The following KDM4C variants were observed in gnomAD, a reference collection of about 807,000 sequenced individuals.
KDM4C encodes lysine-specific demethylase 4C.
A neutral mutation model predicts 129.3 loss-of-function variants in KDM4C; 81 were observed. That is an observed-to-expected ratio of 0.63 (90% CI 0.52 to 0.75). The LOEUF (loss-of-function observed/expected upper bound fraction) is 0.75, where lower values mean the gene tolerates loss of function less well. KDM4C is among the 30% of genes least tolerant of loss of function. KDM4C has a pLI of 0.00. For synonymous variants in KDM4C, 573 were observed against 456.1 expected, an observed-to-expected ratio of 1.26 and a Z score of -3.26; for missense variants, 1,457 against 1,304.0, an observed-to-expected ratio of 1.12 and a Z score of -1.81.
chr9:7,020,565 A>C (rs1824617436), intron 15 of KDM4C, among the ~76,000 whole-genome samples: 1 of 152,200 alleles, frequency 6.6e-6, no homozygotes, highest in African/African-American at 2.4e-5. Flanking sequence ...AACATTACCA[A>C]ATCCAGATTT....
chr9:6,819,626 C>G (rs1832685561), intron 4 of KDM4C, among the ~76,000 whole-genome samples: 2 of 152,186 alleles, frequency 1.3e-5, no homozygotes, highest in Non-Finnish European at 2.9e-5. Context: ...CAAAACCAAT[C>G]ACACTCAAGA....
chr9:6,742,558 CTTT>C (rs113102026), intron 1 of KDM4C, among the ~76,000 whole-genome samples: 2 of 139,360 alleles, frequency 1.4e-5, no homozygotes, highest in Non-Finnish European at 1.5e-5. Context: ...GTTTCTTCAA[CTTT>C]TTTTTTTTTT....
chr9:7,154,903 G>A (rs1843015847), intron 19 of KDM4C, among the ~76,000 whole-genome samples: 1 of 152,186 alleles, frequency 6.6e-6, no homozygotes, highest in African/African-American at 2.4e-5. Context: ...AGCTATTTAT[G>A]TTAGGTGAAG....
At chr9:7,033,060 C>T (rs1043438171) in intron 15 of KDM4C, among the ~76,000 whole-genome samples, 5 of 151,534 alleles carry the variant, frequency 3.3e-5, no homozygotes, top group South Asian at 2.1e-4. Flanking sequence ...TAGATCAGAG[C>T]GATTGATTTT....
chr9:6,882,410 A>C (rs1317101327), intron 6 of KDM4C, among the ~76,000 whole-genome samples: 3 of 152,242 alleles, frequency 2.0e-5, no homozygotes, highest in African/African-American at 7.2e-5. Context: ...ATATTAAGTT[A>C]GGTAAATTGA....
chr9:7,158,316 T>C (rs1271867759), intron 19 of KDM4C, among the ~76,000 whole-genome samples: 3 of 85,030 alleles, frequency 3.5e-5, no homozygotes, highest in Non-Finnish European at 4.7e-5. Flanking sequence ...CCTGGATTCA[T>C]TGATTTTTTT....
intron 8 of KDM4C, among the ~76,000 whole-genome samples, chr9:6,955,397 C>A (rs573843871): frequency 6.6e-6 from 1 of 152,244 alleles, no homozygotes; most frequent in Admixed American, 6.5e-5. Flanking sequence ...CCTTGGTTCA[C>A]CCTTTGTTTT....
At chr9:7,080,297 C>G (rs896382717) in intron 17 of KDM4C, among the ~76,000 whole-genome samples, 1 of 152,154 alleles carries the variant, frequency 6.6e-6, no homozygotes, top group Non-Finnish European at 1.5e-5. Context: ...TGCAAAGAGA[C>G]CCTAGAGCCC....
rs568464903 is a variant in KDM4C, at chr9:7,127,667, A to G, written c.2611-399A>G. Among the ~76,000 whole-genome samples, 4 of 152,340 alleles carry G rather than the reference A, an allele frequency of 2.6e-5. No homozygotes were observed. In the South Asian group the frequency reaches 8.3e-4, roughly 32 times the overall value. On this transcript the variant is annotated intron_variant, in intron 18 of 21. Transcript: ENST00000381309. ...AGGGAAGGTGAATACCATAATGGCC[A>G]TTATTGGATCATTTGACCAACTGGA...
chr9:6,846,190 A>G (rs1171781729), intron 4 of KDM4C, among the ~76,000 whole-genome samples: 1 of 152,234 alleles, frequency 6.6e-6, no homozygotes, highest in Admixed American at 6.5e-5. Flanking sequence ...TGAAAGGATC[A>G]GGACTAGAAG....
At chr9:6,810,875 A>G (rs554153059) in intron 3 of KDM4C, among the ~76,000 whole-genome samples, 1 of 151,568 alleles carries the variant, frequency 6.6e-6, no homozygotes, top group South Asian at 2.1e-4. Flanking sequence ...CTGTCTCCAA[A>G]AAAATAAATA....
In KDM4C at chr9:6,990,639, A is replaced by T. The variant is rs139811081; in HGVS notation, c.1786+115A>T. On this transcript the variant is annotated intron_variant, in intron 12 of 21. Coordinates refer to ENST00000381309, the MANE Select transcript of KDM4C (RefSeq NM_015061.6). ...ATTCAACAAGTAGCAAATACGTACT[A>T]TTAGGAGATCATACATAATAAATAA... 211 of 649,404 alleles carry T rather than the reference A, an allele frequency of 3.2e-4. No homozygotes were observed. The African/African-American group carries it at 3.5e-3, about 11-fold the overall frequency. The allele number at this position is 649,404 out of a possible 1,614,324, so 40.2% of individuals were successfully genotyped here.
intron 12 of KDM4C, among the ~76,000 whole-genome samples, chr9:6,999,793 T>C (rs1177109620): frequency 6.6e-6 from 1 of 152,194 alleles, no homozygotes; most frequent in Non-Finnish European, 1.5e-5. Context: ...TTGAAAGTCT[T>C]TCCCCTGCGT....
intron 3 of KDM4C, among the ~76,000 whole-genome samples, chr9:6,810,968 C>A (rs906869652): frequency 5.3e-5 from 8 of 152,100 alleles, no homozygotes; most frequent in Admixed American, 2.6e-4. Context: ...TTTTGAAATT[C>A]ATATTTTTTG....
intron 8 of KDM4C, chr9:6,893,529 C>G (rs1272768900): frequency 4.9e-6 from 1 of 204,218 alleles, no homozygotes. Flanking sequence ...GCAAGATTTT[C>G]CAGTGGCATC....
rs12685062 is a variant in KDM4C, at chr9:6,775,566, A to C, written c.-18+17363A>C. ...AGATGGAGTTTCGTTCTTATTGCCC[A>C]GGCTGGAGCGCAGTGGCACAATCTC... On this transcript the variant is annotated intron_variant, in intron 1 of 21. Coordinates refer to ENST00000381309, the MANE Select transcript of KDM4C (RefSeq NM_015061.6). 3.3e-5 allele frequency among the ~76,000 whole-genome samples: 5 copies of C among 151,638 alleles called. No homozygotes were observed. The East Asian group carries it at 5.9e-4, about 18-fold the overall frequency.
chr9:6,886,366 A>T (rs548830914), intron 6 of KDM4C, among the ~76,000 whole-genome samples: 5 of 150,258 alleles, frequency 3.3e-5, no homozygotes, highest in Admixed American at 3.3e-4. Flanking sequence ...AGGCTGGAGT[A>T]CAGTGGTGCA....
intron 9 of KDM4C, chr9:6,982,902 G>A (rs1817014118): frequency 6.6e-6 from 1 of 152,206 alleles, no homozygotes; most frequent in South Asian, 2.1e-4. Flanking sequence ...CTATGGGCTT[G>A]TTTAATATGC....
At chr9:6,747,539 C>CACAAA in intron 1 of KDM4C, among the ~76,000 whole-genome samples, 1 of 98,006 alleles carries the variant, frequency 1.0e-5, no homozygotes, top group East Asian at 3.0e-4. Context: ...CAGGGCGATT[C>CACAAA]AAAAAAAAAA....
Sources: allele counts gnomAD v4.1 joint callset (sites outside exome capture counted in the v4.1 genomes callset), GRCh38; gene constraint gnomAD v4.1.1; transcripts MANE v1.5; gene names NCBI Gene and HGNC (gene_info 2026-07-23, HGNC 2026-07-21).